CDH13: variants seen among roughly 807,000 people sequenced by gnomAD.
The protein encoded by CDH13 is cadherin-13.
A neutral mutation model predicts 63.8 loss-of-function variants in CDH13; 24 were observed. That is an observed-to-expected ratio of 0.38 (90% CI 0.27 to 0.53). CDH13 has a LOEUF of 0.53. Ranked by LOEUF, CDH13 falls within the 20% of genes least tolerant of loss-of-function variation. CDH13 has a pLI of 0.85. For missense variants in CDH13, 1,049 were observed against 903.1 expected, an observed-to-expected ratio of 1.16 and a Z score of -2.07; for synonymous variants, 503 against 355.3, an observed-to-expected ratio of 1.42 and a Z score of -4.67.
chr16:83,657,621 T>G (rs1220728195), intron 8 of CDH13, among the ~76,000 whole-genome samples: 1 of 152,188 alleles, frequency 6.6e-6, no homozygotes, highest in Admixed American at 6.5e-5. Context: ...GGGCTGGGGA[T>G]ATGGAGAACA....
At chr16:82,787,119 G>A (rs1238480260) in intron 1 of CDH13, among the ~76,000 whole-genome samples, 2 of 152,142 alleles carry the variant, frequency 1.3e-5, no homozygotes, top group East Asian at 1.9e-4. Flanking sequence ...ATGAGTCCAT[G>A]GTCTTATTAT....
At chr16:83,120,223 C>T (rs2035504043) in intron 3 of CDH13, among the ~76,000 whole-genome samples, 1 of 152,162 alleles carries the variant, frequency 6.6e-6, no homozygotes. Context: ...CACAATTGTG[C>T]CACTTGCCAT....
chr16:83,237,086 T>G (rs1279978477), intron 5 of CDH13, among the ~76,000 whole-genome samples: 3 of 152,122 alleles, frequency 2.0e-5, no homozygotes, highest in Non-Finnish European at 4.4e-5. Flanking sequence ...GAGGGGATGT[T>G]CCGCCACATT....
At chr16:83,779,375 C>G (rs536655115) in intron 11 of CDH13, among the ~76,000 whole-genome samples, 2 of 132,278 alleles carry the variant, frequency 1.5e-5, no homozygotes, top group East Asian at 4.7e-4. Context: ...CCATTGCACT[C>G]CAGCCCGGGC....
At chr16:83,454,039 GGGGCAT>G (rs2072956717) in intron 6 of CDH13, among the ~76,000 whole-genome samples, 2 of 152,188 alleles carry the variant, frequency 1.3e-5, no homozygotes, top group African/African-American at 4.8e-5. Flanking sequence ...TGGCTTCTAA[GGGGCAT>G]GGGTGTTTCA....
At chr16:83,036,855 T>C (rs1916906817) in intron 3 of CDH13, among the ~76,000 whole-genome samples, 1 of 152,110 alleles carries the variant, frequency 6.6e-6, no homozygotes, top group Non-Finnish European at 1.5e-5. Context: ...TGCACACCCA[T>C]ACACCCCACA....
chr16:82,868,500 A>C (rs1175306442), intron 2 of CDH13, among the ~76,000 whole-genome samples: 1 of 152,264 alleles, frequency 6.6e-6, no homozygotes, highest in Non-Finnish European at 1.5e-5. Context: ...CAAAATGTTT[A>C]GAGATCCTTC....
chr16:83,317,690 C>G (rs186625289), intron 5 of CDH13, among the ~76,000 whole-genome samples: 1 of 151,928 alleles, frequency 6.6e-6, no homozygotes, highest in South Asian at 2.1e-4. Flanking sequence ...ATCCCAGATA[C>G]TTGGGAGGCT....
intron 2 of CDH13, among the ~76,000 whole-genome samples, chr16:82,860,347 C>G (rs1430151093): frequency 1.6e-5 from 2 of 128,956 alleles, no homozygotes; most frequent in African/African-American, 6.1e-5. Context: ...TTAAAGTAAG[C>G]CATACTGTAC....
chr16:83,515,133 A>G (rs866519423), intron 7 of CDH13, among the ~76,000 whole-genome samples: 9 of 152,080 alleles, frequency 5.9e-5, no homozygotes, highest in Non-Finnish European at 1.3e-4. Context: ...TGGAGACGTC[A>G]TTCCATGTTT....
chr16:83,050,097 T>A (rs1345891085), intron 3 of CDH13, among the ~76,000 whole-genome samples: 1 of 152,174 alleles, frequency 6.6e-6, no homozygotes, highest in East Asian at 1.9e-4. Flanking sequence ...TACTCAGGAT[T>A]CTTTACAAAC....
chr16:82,708,911 G>T (rs533524683), intron 1 of CDH13, among the ~76,000 whole-genome samples: 1 of 152,172 alleles, frequency 6.6e-6, no homozygotes, highest in African/African-American at 2.4e-5. Flanking sequence ...TTGATAACTT[G>T]TTTCTCAGTC....
At chr16:82,891,481 A>G (rs954827926) in intron 2 of CDH13, among the ~76,000 whole-genome samples, 2 of 152,158 alleles carry the variant, frequency 1.3e-5, no homozygotes, top group African/African-American at 4.8e-5. Context: ...AAAATACTGA[A>G]TTTCACTGGG....
intron 1 of CDH13, among the ~76,000 whole-genome samples, chr16:82,657,489 G>A (rs1597237711): frequency 2.0e-5 from 3 of 152,266 alleles, no homozygotes; most frequent in East Asian, 3.9e-4. Context: ...ATTTCATCAT[G>A]CAACTCAGAA....
intron 10 of CDH13, among the ~76,000 whole-genome samples, chr16:83,733,700 A>G (rs1338081363): frequency 6.6e-6 from 1 of 152,308 alleles, no homozygotes; most frequent in Non-Finnish European, 1.5e-5. Flanking sequence ...TAATCACCCA[A>G]TAAAAATAAA....
At chr16:82,693,483 A>G (rs960677969) in intron 1 of CDH13, among the ~76,000 whole-genome samples, 4 of 152,178 alleles carry the variant, frequency 2.6e-5, no homozygotes, top group Non-Finnish European at 5.9e-5. Flanking sequence ...ATTTAGGTCT[A>G]AACACTTGAG....
intron 1 of CDH13, among the ~76,000 whole-genome samples, chr16:82,700,187 C>G (rs146680395): frequency 2.6e-5 from 4 of 152,132 alleles, no homozygotes; most frequent in African/African-American, 4.8e-5. Context: ...ATTTTTCCTG[C>G]GGGACTTCTC....
chr16:83,096,042 G>T (rs1321316284), intron 3 of CDH13, among the ~76,000 whole-genome samples: 2 of 152,194 alleles, frequency 1.3e-5, no homozygotes, highest in African/African-American at 4.8e-5. Context: ...AGGGTGTGAT[G>T]CAGTGGGGAA....
intron 10 of CDH13, among the ~76,000 whole-genome samples, chr16:83,747,260 T>A (rs1912669609): frequency 6.6e-6 from 1 of 152,114 alleles, no homozygotes; most frequent in African/African-American, 2.4e-5. Context: ...TCCCACATAT[T>A]ATGGGAGGGA....
Sources: allele counts gnomAD v4.1 joint callset (sites outside exome capture counted in the v4.1 genomes callset), GRCh38; gene constraint gnomAD v4.1.1; transcripts MANE v1.5; gene names NCBI Gene and HGNC (gene_info 2026-07-23, HGNC 2026-07-21).